Variants in RHOBTB3 observed in about 807,000 individuals in gnomAD.
RHOBTB3 encodes the protein Rho related BTB domain containing 3.
Under a neutral mutation model 67.2 loss-of-function variants are expected in RHOBTB3, and 47 were observed. The observed-to-expected ratio is 0.70, with a 90% confidence interval of 0.55 to 0.89. The LOEUF (loss-of-function observed/expected upper bound fraction) is 0.89, where lower values mean the gene tolerates loss of function less well. Among genes scored for constraint, RHOBTB3 ranks in the 40% least tolerant of loss-of-function variants. RHOBTB3 has a pLI of 0.00. For missense variants in RHOBTB3, 631 were observed against 750.0 expected (o/e 0.84, Z 1.85); for synonymous variants, 273 against 274.2 (o/e 1.00, Z 0.04).
At chr5:95,760,428 T>C (rs1745364924) in intron 6 of RHOBTB3, among the ~76,000 whole-genome samples, 1 of 152,212 alleles carries the variant, frequency 6.6e-6, no homozygotes, top group Admixed American at 6.5e-5. Flanking sequence ...CTCAAGAATT[T>C]AGCTTTGAGC....
At chr5:95,729,062 T>C (rs1038411087), upstream of RHOBTB3, among the ~76,000 whole-genome samples, 2 of 152,230 alleles carry the variant, frequency 1.3e-5, no homozygotes, top group African/African-American at 4.8e-5. Context: ...GAAAAACTCA[T>C]GAATAATCCA....
At chr5:95,775,849 A>G (rs1745860036) in intron 8 of RHOBTB3, among the ~76,000 whole-genome samples, 1 of 152,178 alleles carries the variant, frequency 6.6e-6, no homozygotes, top group Non-Finnish European at 1.5e-5. Flanking sequence ...AATTTATGTC[A>G]AACTTAAGAC....
At chr5:95,719,851 ATC>A (rs1754812155) in intron 1 of RHOBTB3, 2 of 152,218 alleles carry the variant, frequency 1.3e-5, no homozygotes, top group Admixed American at 6.5e-5. Flanking sequence ...TGGAAATGAT[ATC>A]TCTCTGTGAT....
chr5:95,757,835 C>T (rs910840285), intron 6 of RHOBTB3, among the ~76,000 whole-genome samples: 8 of 152,070 alleles, frequency 5.3e-5, no homozygotes, highest in South Asian at 4.1e-4. Flanking sequence ...CTCCAGTAGC[C>T]GGGCATCATC....
chr5:95,731,180 A>T, upstream of RHOBTB3: 1 of 1,007,482 alleles, frequency 9.9e-7, no homozygotes, highest in Middle Eastern at 5.0e-4. Context: ...AGCCGCCGCC[A>T]CCGGAGCTCC....
chr5:95,794,395 C>A lies in RHOBTB3; in HGVS notation c.*1221C>A, dbSNP rs755842620. ...GATTAGGACGTCAGTGGCTTAAATT[C>A]TTTGAATTCTTTTCAAGGACTGCAA... On this transcript the variant is annotated 3_prime_UTR_variant, in exon 12 of 12. Coordinates refer to ENST00000379982, the MANE Select transcript of RHOBTB3 (RefSeq NM_014899.4). 8.2e-5 allele frequency: 14 copies of A among 170,730 alleles called. No homozygotes were observed. Among genetic ancestry groups the A allele is most frequent in the Admixed American group, 2.2e-4 (4 of 17,802 alleles). 10.6% of individuals were successfully genotyped at this position (170,730 alleles called of 1,614,324 possible).
intron 11 of RHOBTB3, 197 bp downstream of exon 11, chr5:95,789,055 C>T: frequency 2.1e-6 from 1 of 466,170 alleles, no homozygotes. Context: ...ACCTGTGTTA[C>T]ACAAGAAGTT....
Position 95,784,079 on chromosome 5 carries a change from T to G in RHOBTB3, c.1623+116T>G, listed in dbSNP as rs1214418384. The stretch of plus-strand genomic sequence containing the variant: ...TTAATACTAGTCTTAGTTTGGAAGT[T>G]TGGCTAATGAGGCTAAAGTGCCTTC... On this transcript the variant is annotated intron_variant, in intron 10 of 11. Transcript: ENST00000379982. 4.6e-6 allele frequency: 4 copies of G among 871,322 alleles called. No individual in the cohort carries two copies. In the African/African-American group the frequency reaches 6.8e-5, roughly 15 times the overall value. 54.0% of individuals were successfully genotyped at this position (871,322 alleles called of 1,614,324 possible). A position where few individuals can be genotyped will look rare whatever the true frequency, so the allele number is the denominator to read the frequency against.
At chr5:95,731,133 T>C, upstream of RHOBTB3, 1 of 1,024,986 alleles carries the variant, frequency 9.8e-7, no homozygotes. Context: ...TTAATTTATA[T>C]TCCGCGGCGC....
At chr5:95,770,156 A>T (rs2112816893) in intron 8 of RHOBTB3, 1 of 264,592 alleles carries the variant, frequency 3.8e-6, no homozygotes. Context: ...TATCACAGCT[A>T]GTGAATATGA....
At chr5:95,766,596 TAAAAA>T (rs534051950) in intron 7 of RHOBTB3, among the ~76,000 whole-genome samples, 1 of 115,848 alleles carries the variant, frequency 8.6e-6, no homozygotes, top group Non-Finnish European at 1.9e-5. Context: ...GACTAAAATT[TAAAAA>T]AAAAAAAAAA....
intron 8 of RHOBTB3, among the ~76,000 whole-genome samples, chr5:95,775,227 T>A (rs943691757): frequency 6.6e-6 from 1 of 152,036 alleles, no homozygotes; most frequent in Non-Finnish European, 1.5e-5. Flanking sequence ...GTACCCTTAA[T>A]CTAAAAACCC....
chr5:95,758,314 T>A (rs914251521), intron 6 of RHOBTB3, among the ~76,000 whole-genome samples: 1 of 152,246 alleles, frequency 6.6e-6, no homozygotes, highest in African/African-American at 2.4e-5. Context: ...TGTTGTAATT[T>A]TTTTATGCAC....
intron 5 of RHOBTB3, among the ~76,000 whole-genome samples, chr5:95,752,840 G>A (rs1003710894): frequency 3.9e-5 from 6 of 152,122 alleles, no homozygotes; most frequent in Non-Finnish European, 8.8e-5. Context: ...AGATGAAGGT[G>A]AACGTAGAGT....
At position 95,722,787 on chromosome 5, in the gene RHOBTB3, A is replaced by C. The variant is rs181726480; in HGVS notation, n.133+5022A>C. ...CGTGAGCCACTGCGCCCAGCCTAAA[A>C]GAGTCTTATCGCTTTTCAAGAGCTA... On this transcript the variant is annotated intron_variant and non_coding_transcript_variant, in intron 1 of 5. Coordinates refer to the RHOBTB3 transcript ENST00000504949. 7.9e-4 allele frequency among the ~76,000 whole-genome samples: 120 copies of C among 152,316 alleles called. 1 individual carries two copies. The highest frequency in any genetic ancestry group is 7.5e-3 in the Admixed American group (114 of 15,294).
At chr5:95,744,502 A>G (rs1755695398) in intron 3 of RHOBTB3, among the ~76,000 whole-genome samples, 1 of 152,124 alleles carries the variant, frequency 6.6e-6, no homozygotes, top group African/African-American at 2.4e-5. Context: ...GATGTGTGGT[A>G]GGTACTCACT....
At position 95,735,047 on chromosome 5, in the gene RHOBTB3, C is replaced by T. The variant is rs1281653652; in HGVS notation, c.229-1842C>T. 7.2e-5 allele frequency among the ~76,000 whole-genome samples: 11 copies of T among 152,148 alleles called. No homozygotes were observed. In the South Asian group the frequency reaches 1.7e-3, roughly 23 times the overall value. ...TCATTTGTCTTCCTTGTTATACTTACGCACTCTGTTATACTTGGATACTTT... is the reference window on the plus strand; with the variant it reads ...TCATTTGTCTTCCTTGTTATACTTATGCACTCTGTTATACTTGGATACTTT... On this transcript the variant is annotated intron_variant, in intron 2 of 11. Coordinates refer to ENST00000379982, the MANE Select transcript of RHOBTB3 (RefSeq NM_014899.4).
chr5:95,748,464 A>G lies in RHOBTB3; in HGVS notation c.547A>G (p.Ile183Val), dbSNP rs1561443851. Residue 183 changes from isoleucine (I) to valine (V), a missense_variant, in exon 4 of 12, where the codon ATA (isoleucine) becomes GTA (valine). By Grantham distance (29) the Ile-to-Val change is conservative (BLOSUM62 3). Coordinates refer to ENST00000379982, the MANE Select transcript of RHOBTB3 (RefSeq NM_014899.4). ...ACTCCACAGCCTTGATGACTTCTAC[A>G]TAGGAAAGTATTTTGGAGGAGTGGT... ...LELHSLDDFY[I>V]GKYFGGVLEY... is the part of the protein sequence containing the mutation. 2 of 1,611,000 alleles carry G rather than the reference A, an allele frequency of 1.2e-6. No homozygotes were observed. The highest frequency in any genetic ancestry group is 1.7e-4 in the Middle Eastern group (1 of 6,040).
At chr5:95,763,802 T>TTGTGTGTGTGTGTGTG (rs60736311) in intron 7 of RHOBTB3, among the ~76,000 whole-genome samples, 182 bp downstream of exon 7, 2 of 148,862 alleles carry the variant, frequency 1.3e-5, no homozygotes, top group African/African-American at 5.0e-5. Context: ...GTATCTTAGA[T>TTGTGTGTGTGTGTGTG]TGTGTGTGTG....
Sources: gnomAD v4.1 joint callset for allele counts (sites outside exome capture counted in the v4.1 genomes callset) on GRCh38, gnomAD v4.1.1 for gene constraint, MANE v1.5 for transcripts, NCBI Gene and HGNC (gene_info 2026-07-23, HGNC 2026-07-21) for gene names.